The following DNAJC15 variants were observed in gnomAD, a reference collection of about 807,000 sequenced individuals.
DNAJC15 encodes the protein DnaJ heat shock protein family (Hsp40) member C15.
In DNAJC15, 27 loss-of-function variants were observed where a neutral mutation model predicts 22.4. That is an observed-to-expected ratio of 1.20 (90% confidence interval 0.89 to 1.66). The LOEUF (loss-of-function observed/expected upper bound fraction) is 1.66, where lower values mean the gene tolerates loss of function less well. DNAJC15 is among the 40% of genes most tolerant of loss of function. The pLI, the probability that DNAJC15 is intolerant of heterozygous loss-of-function variation, is 0.00. For synonymous variants in DNAJC15, 79 were observed against 63.2 expected (o/e 1.25, Z -1.19); for missense variants, 208 against 187.1 (o/e 1.11, Z -0.65).
intron 1 of DNAJC15, among the ~76,000 whole-genome samples, chr13:43,061,107 T>C (rs897555289): frequency 3.9e-5 from 6 of 152,282 alleles, no homozygotes; most frequent in Admixed American, 3.3e-4. Flanking sequence ...TGAGAGGTTC[T>C]AAGAGGCGGG....
intron 1 of DNAJC15, among the ~76,000 whole-genome samples, chr13:43,043,158 GT>G (rs1158046011): frequency 6.6e-6 from 1 of 152,196 alleles, no homozygotes; most frequent in Admixed American, 6.5e-5. Context: ...TCAGGCCGGA[GT>G]CCAGTGGTAT....
intron 1 of DNAJC15, among the ~76,000 whole-genome samples, chr13:43,058,643 A>G (rs2040542677): frequency 6.6e-6 from 1 of 152,092 alleles, no homozygotes; most frequent in Non-Finnish European, 1.5e-5. Flanking sequence ...CCCTTCCTCC[A>G]TTCCTCCCAG....
At chr13:43,078,867 AC>A (rs1420751950) in intron 4 of DNAJC15, 179 bp downstream of exon 4, 32 of 402,220 alleles carry the variant, frequency 8.0e-5, no homozygotes, top group Admixed American at 3.7e-4. Flanking sequence ...CCCTAAAAAA[AC>A]AAAACAAAAC....
intron 1 of DNAJC15, among the ~76,000 whole-genome samples, chr13:43,062,109 G>A (rs1218271535): frequency 6.6e-6 from 1 of 151,986 alleles, no homozygotes; most frequent in African/African-American, 2.4e-5. Flanking sequence ...TTTCAGAGGT[G>A]TGACCATGGT....
chr13:43,050,446 C>T (rs1424007948), intron 1 of DNAJC15, among the ~76,000 whole-genome samples: 1 of 151,964 alleles, frequency 6.6e-6, no homozygotes, highest in African/African-American at 2.4e-5. Context: ...GCCAGGACTA[C>T]AGGCACACCC....
intron 3 of DNAJC15, among the ~76,000 whole-genome samples, chr13:43,070,163 C>G (rs2040602192): frequency 6.6e-6 from 1 of 152,034 alleles, no homozygotes; most frequent in Admixed American, 6.5e-5. Context: ...CTTAGTTAGC[C>G]ATGAATAATG....
At chr13:43,024,054 A>T (rs1206018643) in intron 1 of DNAJC15, among the ~76,000 whole-genome samples, 25 of 152,192 alleles carry the variant, frequency 1.6e-4, no homozygotes, top group Admixed American at 1.6e-3. Context: ...AGGCCCTAAA[A>T]ACGTCTTGCA....
chr13:43,042,679 A>G (rs1005611493), intron 1 of DNAJC15, among the ~76,000 whole-genome samples: 12 of 152,234 alleles, frequency 7.9e-5, no homozygotes, highest in African/African-American at 1.7e-4. Flanking sequence ...GGGCAGGCCC[A>G]CAGTCTGAGA....
chr13:43,085,889 A>T (rs2040685758), intron 5 of DNAJC15, 51 bp downstream of exon 5: 2 of 1,506,862 alleles, frequency 1.3e-6, no homozygotes, highest in African/African-American at 2.8e-5. Flanking sequence ...TATGCTGTGA[A>T]TTCCTTTCAG....
At position 43,023,676 on chromosome 13, in the gene DNAJC15, C is replaced by T. The variant is rs1310654737; in HGVS notation, c.50C>T (p.Ala17Val). The T allele has an allele frequency of 1.9e-6, 3 of 1,613,028 alleles. No individual in the cohort carries two copies. The highest frequency in any genetic ancestry group is 2.2e-5 in the East Asian group (1 of 44,828). Reference sequence around the variant, plus strand: ...CCAGTTGGCGAGAGTTTGCGCTACGCTGAGTACTTGCAGCCCTCGGCCAAA... The same window carrying T: ...CCAGTTGGCGAGAGTTTGCGCTACGTTGAGTACTTGCAGCCCTCGGCCAAA... ...IAPVGESLRY[A>V]EYLQPSAKRP... Residue 17 changes from alanine to valine, a missense_variant, in exon 1 of 6, where the codon GCT (alanine) becomes GTT (valine). Ala to Val is a moderately conservative substitution (Grantham distance 64, BLOSUM62 0). Transcript: ENST00000379221.
chr13:43,031,444 C>G (rs1414784164), intron 1 of DNAJC15, among the ~76,000 whole-genome samples: 1 of 152,110 alleles, frequency 6.6e-6, no homozygotes, highest in Non-Finnish European at 1.5e-5. Context: ...GAAACTAAAC[C>G]TAGACTCCTA....
Position 43,109,215 on chromosome 13 carries a change from G to T in DNAJC15, c.*1967G>T, listed in dbSNP as rs2040813253. On this transcript the variant is annotated 3_prime_UTR_variant, in exon 6 of 6. Transcript: ENST00000379221. ...ATTCTTCACATGGTACATAACTATAGGGGCTATAGCTTGGTACCTTGTGAA... is the reference window on the plus strand; with the variant it reads ...ATTCTTCACATGGTACATAACTATATGGGCTATAGCTTGGTACCTTGTGAA... 1 of 152,106 alleles carries T rather than the reference G, an allele frequency of 6.6e-6. No individual in the cohort carries two copies. Among genetic ancestry groups the T allele is most frequent in the Non-Finnish European group, 1.5e-5 (1 of 68,030 alleles). The allele number at this position is 152,106 out of a possible 1,614,324, so 9.4% of individuals were successfully genotyped here. A position where few individuals can be genotyped will look rare whatever the true frequency, so the allele number is the denominator to read the frequency against.
intron 3 of DNAJC15, among the ~76,000 whole-genome samples, chr13:43,072,081 A>G (rs2040612049): frequency 6.6e-6 from 1 of 152,144 alleles, no homozygotes; most frequent in African/African-American, 2.4e-5. Flanking sequence ...ACTCACAGCT[A>G]GATTTTTTGG....
At chr13:43,039,631 TAATAA>T (rs1226323661) in intron 1 of DNAJC15, among the ~76,000 whole-genome samples, 1 of 152,152 alleles carries the variant, frequency 6.6e-6, no homozygotes, top group Non-Finnish European at 1.5e-5. Flanking sequence ...TTCAGTACAA[TAATAA>T]AATGATAAAA....
chr13:43,105,363 A>C (rs2040791403), intron 5 of DNAJC15, among the ~76,000 whole-genome samples: 2 of 152,182 alleles, frequency 1.3e-5, no homozygotes, highest in Non-Finnish European at 2.9e-5. Context: ...AATGGAACCT[A>C]ATGTGAATCA....
In DNAJC15 at chr13:43,108,760, C is replaced by G. The variant is rs2040811024; in HGVS notation, c.*1512C>G. The G allele has an allele frequency of 6.6e-6, 1 of 152,142 alleles. No homozygotes were observed. The highest frequency in any genetic ancestry group is 1.5e-5 in the Non-Finnish European group (1 of 68,020). 9.4% of individuals were successfully genotyped at this position (152,142 alleles called of 1,614,324 possible). A position where few individuals can be genotyped will look rare whatever the true frequency, so the allele number is the denominator to read the frequency against. ...ATGGTTCCAGATATTGCCAAATGCC[C>G]TTTAGAGGACAGTAATCGCCCCCAG... On this transcript the variant is annotated 3_prime_UTR_variant, in exon 6 of 6. Transcript: ENST00000379221.
intron 4 of DNAJC15, among the ~76,000 whole-genome samples, chr13:43,083,732 A>G (rs929778699): frequency 5.9e-5 from 9 of 152,268 alleles, no homozygotes; most frequent in African/African-American, 1.9e-4. Context: ...TAGTGTTCAT[A>G]CCTCTGGTAT....
rs2040802290 is a variant in DNAJC15, at chr13:43,107,331, C to A, written c.*83C>A. The stretch of plus-strand genomic sequence containing the variant: ...CCTGCAAAATATTCTAAAACATGGT[C>A]TTCTTAATTTTCTATATGGATTGAC... On this transcript the variant is annotated 3_prime_UTR_variant, in exon 6 of 6. Coordinates refer to ENST00000379221, the MANE Select transcript of DNAJC15 (RefSeq NM_013238.3). 3.3e-6 allele frequency: 4 copies of A among 1,205,464 alleles called. No homozygotes were observed. Among genetic ancestry groups the A allele is most frequent in the Non-Finnish European group, 4.4e-6 (4 of 899,694 alleles). 74.7% of individuals were successfully genotyped at this position (1,205,464 alleles called of 1,614,324 possible). A position where few individuals can be genotyped will look rare whatever the true frequency, so the allele number is the denominator to read the frequency against.
At position 43,085,751 on chromosome 13, in the gene DNAJC15, G is replaced by C. The variant is rs1247445115; in HGVS notation, c.312-17G>C. ...TTTGATGCTATTTATTATAAGCACT[G>C]TAATTTCTTTTTACAGCCCATCTGC... On this transcript the variant is annotated splice_polypyrimidine_tract_variant and intron_variant, in intron 4 of 5. Coordinates refer to ENST00000379221, the MANE Select transcript of DNAJC15 (RefSeq NM_013238.3). The C allele has an allele frequency of 1.2e-6, 2 of 1,606,692 alleles. No homozygotes were observed. Among genetic ancestry groups the C allele is most frequent in the Admixed American group, 1.7e-5 (1 of 58,754 alleles).
Sources: gnomAD v4.1 joint callset for allele counts (sites outside exome capture counted in the v4.1 genomes callset) on GRCh38, gnomAD v4.1.1 for gene constraint, MANE v1.5 for transcripts, NCBI Gene and HGNC (gene_info 2026-07-23, HGNC 2026-07-21) for gene names.